LAMA2: variants seen among roughly 807,000 people sequenced by gnomAD.
LAMA2 encodes laminin subunit alpha-2.
A neutral mutation model predicts 364.8 loss-of-function variants in LAMA2; 269 were observed. That is an observed-to-expected ratio of 0.74 (90% CI 0.67 to 0.82). The LOEUF (loss-of-function observed/expected upper bound fraction) is 0.82. Ranked by LOEUF, LAMA2 falls within the 40% of genes least tolerant of loss-of-function variation. LAMA2 has a pLI of 0.00. For missense variants in LAMA2, 3,807 were observed against 3,873.2 expected (o/e 0.98, Z 0.45); for synonymous variants, 1,379 against 1,370.6 (o/e 1.01, Z -0.14).
At chr6:128,933,001 C>G (rs1293450759) in intron 1 of LAMA2, among the ~76,000 whole-genome samples, 1 of 152,160 alleles carries the variant, frequency 6.6e-6, no homozygotes, top group East Asian at 1.9e-4. Flanking sequence ...TCATTTACCC[C>G]AATTCCTGGC....
In LAMA2 at chr6:129,481,444, C is replaced by T; in HGVS notation, c.7749+5C>T. Reference sequence around the variant, plus strand: ...AAACGAAGGCAGACTGGACAGGTACCCTCACACCTAGCTGATAATGCATTT... The same window carrying T: ...AAACGAAGGCAGACTGGACAGGTACTCTCACACCTAGCTGATAATGCATTT... On this transcript the variant is annotated splice_donor_5th_base_variant and intron_variant, in intron 55 of 64. Coordinates refer to ENST00000421865, the MANE Select transcript of LAMA2 (RefSeq NM_000426.4). 1.9e-6 allele frequency: 3 copies of T among 1,609,878 alleles called. No homozygotes were observed. Among genetic ancestry groups the T allele is most frequent in the Non-Finnish European group, 1.7e-6 (2 of 1,176,274 alleles).
rs544271722 is a variant in LAMA2 at position 129,066,038 on chromosome 6, G to GTTTTTTTTTT, written c.396+6158_396+6167dup. Among the ~76,000 whole-genome samples, 32 of 37,108 alleles carry GTTTTTTTTTT rather than the reference G, an allele frequency of 8.6e-4. 1 individual carries two copies. Among genetic ancestry groups the GTTTTTTTTTT allele is most frequent in the African/African-American group, 2.4e-3 (28 of 11,694 alleles). The allele number at this position is 37,108 out of a possible 152,430, so 24.3% of individuals were successfully genotyped here. A position where few individuals can be genotyped will look rare whatever the true frequency, so the allele number is the denominator to read the frequency against. ...TCTTTTGTAAATTGCCCAGTCTCAGGTTTTTTTTTTTTTTTTTTTTTTTTT... is the reference window on the plus strand; with the variant it reads ...TCTTTTGTAAATTGCCCAGTCTCAGGTTTTTTTTTTTTTTTTTTTTTTTTTTTTTTTTTTT... On this transcript the variant is annotated intron_variant, in intron 3 of 64. Coordinates refer to ENST00000421865, the MANE Select transcript of LAMA2 (RefSeq NM_000426.4).
At chr6:128,908,816 A>C (rs1777682252) in intron 1 of LAMA2, among the ~76,000 whole-genome samples, 1 of 149,772 alleles carries the variant, frequency 6.7e-6, no homozygotes, top group African/African-American at 2.5e-5. Context: ...AATGTGTCCC[A>C]GAGATTCTGG....
At chr6:128,973,449 A>C (rs1316439527) in intron 1 of LAMA2, among the ~76,000 whole-genome samples, 2 of 152,206 alleles carry the variant, frequency 1.3e-5, no homozygotes, top group Non-Finnish European at 2.9e-5. Context: ...GCTAGATTTA[A>C]AATGTATTAT....
intron 1 of LAMA2, among the ~76,000 whole-genome samples, chr6:128,967,833 C>T (rs1189573478): frequency 1.3e-5 from 2 of 152,086 alleles, no homozygotes. Context: ...ATTTCTATTA[C>T]ACCTCAGATT....
At chr6:129,198,939 A>G (rs117792350) in intron 12 of LAMA2, among the ~76,000 whole-genome samples, 7,621 of 152,216 alleles carry the variant, frequency 0.05, 267 homozygotes, top group Non-Finnish European at 0.082. Context: ...AAATTCAAAA[A>G]TTTTTAAAAA....
At chr6:129,077,112 G>A (rs576852751) in intron 3 of LAMA2, among the ~76,000 whole-genome samples, 39 of 152,224 alleles carry the variant, frequency 2.6e-4, no homozygotes, top group African/African-American at 9.4e-4. Flanking sequence ...GCTTACAGTT[G>A]TGGGCTAGAA....
In LAMA2 at chr6:129,511,319, C is replaced by G. The variant is rs73777304; in HGVS notation, c.8858-1044C>G. ...AGCCGAACTTCCTCATGTCATTCCT[C>G]TCTTCTCCTTACTTCTCCCTTTCTG... On this transcript the variant is annotated intron_variant, in intron 62 of 64. Transcript: ENST00000421865. 5.0e-3 allele frequency among the ~76,000 whole-genome samples: 755 copies of G among 152,228 alleles called. 4 individuals are homozygous for G. The highest frequency in any genetic ancestry group is 0.017 in the African/African-American group (712 of 41,542).
intron 1 of LAMA2, among the ~76,000 whole-genome samples, chr6:129,016,238 AC>A (rs1306966705): frequency 6.6e-6 from 1 of 152,062 alleles, no homozygotes; most frequent in African/African-American, 2.4e-5. Context: ...TGCTTTAAAA[AC>A]AAGTATGTGG....
rs771407313 is a variant in LAMA2 at position 129,342,432 on chromosome 6, G to A, written c.4401G>A (p.Gln1467=). ...GIVKGLPNDC[Q]QCACPLISSS... is the part of the protein sequence containing the mutation. ...TCAAGGGATTGCCAAATGACTGTCA[G>A]CAATGTGCCTGCCCTCTGATTTCTT... Residue 1467 remains glutamine, a synonymous_variant, in exon 30 of 65, where the codon CAG becomes CAA. Transcript: ENST00000421865. 4 of 1,613,440 alleles carry A rather than the reference G, an allele frequency of 2.5e-6. No homozygotes were observed. The highest frequency in any genetic ancestry group is 3.4e-6 in the Non-Finnish European group (4 of 1,179,522).
At chr6:129,284,120 C>A (rs1013794802) in intron 18 of LAMA2, among the ~76,000 whole-genome samples, 1 of 152,052 alleles carries the variant, frequency 6.6e-6, no homozygotes, top group Non-Finnish European at 1.5e-5. Context: ...TAAAAGGCAC[C>A]ATGTGAGCAG....
chr6:129,131,113 C>T (rs1381331118), intron 4 of LAMA2, among the ~76,000 whole-genome samples: 3 of 152,130 alleles, frequency 2.0e-5, no homozygotes, highest in Non-Finnish European at 4.4e-5. Flanking sequence ...TTGAAAACAA[C>T]CCTGATTCTG....
intron 58 of LAMA2, among the ~76,000 whole-genome samples, chr6:129,496,060 C>T (rs1302324380): frequency 6.6e-6 from 1 of 152,194 alleles, no homozygotes; most frequent in Non-Finnish European, 1.5e-5. Flanking sequence ...AGAAAGCCCT[C>T]AAACTTACAG....
intron 19 of LAMA2, among the ~76,000 whole-genome samples, chr6:129,289,810 C>T (rs1429052455): frequency 1.3e-5 from 2 of 152,020 alleles, no homozygotes; most frequent in Non-Finnish European, 2.9e-5. Context: ...TTTCATACTA[C>T]TTGCCGTGAG....
chr6:129,459,257 A>G (rs1249209937), intron 48 of LAMA2, among the ~76,000 whole-genome samples: 1 of 152,132 alleles, frequency 6.6e-6, no homozygotes, highest in Non-Finnish European at 1.5e-5. Context: ...AACAAGGTAC[A>G]GTAAAAATAC....
Position 129,486,582 on chromosome 6 carries a change from G to A in LAMA2, c.7858G>A (p.Asp2620Asn). Residue 2620 changes from aspartate to asparagine, a missense_variant, in exon 56 of 65, where the codon GAT becomes AAT. This residue lies in a region of LAMA2 where 3,333 missense variants were observed against 3,345.7 expected (regional missense o/e 1.00). Transcript: ENST00000421865. The stretch of plus-strand genomic sequence containing the variant: ...CAGACCAGAGCCGAATCTGTTTCAT[G>A]ATGGAAGAGAACATTCCGTTCATGT... ...VIRPEPNLFH[D>N]GREHSVHVER... is the part of the protein sequence containing the mutation. The A allele has an allele frequency of 3.1e-6, 5 of 1,613,970 alleles. No individual in the cohort carries two copies. The highest frequency in any genetic ancestry group is 4.2e-6 in the Non-Finnish European group (5 of 1,179,864).
intron 46 of LAMA2, 61 bp from the exon 47 acceptor site, chr6:129,454,094 G>T: frequency 7.0e-7 from 1 of 1,433,168 alleles, no homozygotes; most frequent in Non-Finnish European, 9.8e-7. Context: ...CACTCTGCTG[G>T]TCTCCTCTTT....
chr6:129,038,049 A>G (rs971333803), intron 1 of LAMA2, among the ~76,000 whole-genome samples: 2 of 152,236 alleles, frequency 1.3e-5, no homozygotes, highest in African/African-American at 4.8e-5. Context: ...TTTTAAAATG[A>G]TGATTTATCA....
intron 1 of LAMA2, among the ~76,000 whole-genome samples, chr6:128,979,178 G>A (rs192985595): frequency 5.1e-4 from 78 of 152,270 alleles, no homozygotes; most frequent in African/African-American, 1.7e-3. Flanking sequence ...TAAGGGAGAA[G>A]CAGATATAAA....
Sources: allele counts gnomAD v4.1 joint callset (sites outside exome capture counted in the v4.1 genomes callset), GRCh38; gene constraint gnomAD v4.1.1; regional missense constraint gnomAD v4.1.1; transcripts MANE v1.5; gene names NCBI Gene and HGNC (gene_info 2026-07-23, HGNC 2026-07-21).